RCC2: variants seen among roughly 807,000 people sequenced by gnomAD.
RCC2 encodes the protein regulator of chromosome condensation 2.
In RCC2, 19 loss-of-function variants were observed where a neutral mutation model predicts 64.1. The ratio of observed to expected loss-of-function variants is 0.30; its 90% CI spans 0.21 to 0.44. RCC2 has a LOEUF of 0.44. RCC2 is among the 20% of genes least tolerant of loss of function. The pLI is 1.00. For missense variants in RCC2, 508 were observed against 710.4 expected (o/e 0.72, Z 3.24); for synonymous variants, 325 against 279.6 (o/e 1.16, Z -1.62).
chr1:17,438,605 G>A, intron 1 of RCC2, 83 bp from the exon 2 acceptor site: 1 of 1,219,262 alleles, frequency 8.2e-7, no homozygotes, highest in African/African-American at 1.6e-5. Flanking sequence ...GAGCCACCCG[G>A]CCTCCACTTC....
chr1:17,411,538 G>A (rs988665574), intron 11 of RCC2, among the ~76,000 whole-genome samples: 5 of 149,164 alleles, frequency 3.4e-5, no homozygotes, highest in Admixed American at 6.7e-5. Flanking sequence ...AGCCAAGATC[G>A]CGCCACTGCA....
rs769636025 is a variant in RCC2 at position 17,413,688 on chromosome 1, G to A, written c.1056C>T (p.Phe352=). ...GGCCATAGCCACCAAAGCCCCAGGAGAAGACTCGCTTCTGGGAGTCCAGGA... is the reference window on the plus strand; with the variant it reads ...GGCCATAGCCACCAAAGCCCCAGGAAAAGACTCGCTTCTGGGAGTCCAGGA... ...TLVLDSQKRV[F]SWGFGGYGRL... The change falls in exon 9 of 13, where the codon TTC becomes TTT. Residue 352 remains phenylalanine (F), a synonymous_variant. Transcript: ENST00000375436. 1 of 1,613,810 alleles carries A rather than the reference G, an allele frequency of 6.2e-7. No homozygotes were observed. The highest frequency in any genetic ancestry group is 1.7e-5 in the Admixed American group (1 of 59,920).
Position 17,438,391 on chromosome 1 carries a change from A to C in RCC2, c.124T>G (p.Cys42Gly). ...CTGCCGCCGCCGCTGCTGCTACTGC[A>C]GCGCTCGGGCCGCTCGCGCTTCCTG... is the stretch of plus-strand genomic sequence containing the variant. ...AGRKRERPERCSSSSGGGSSG... is the reference protein window; with the variant it reads ...AGRKRERPERGSSSSGGGSSG... The change falls in exon 2 of 13, where the codon TGC becomes GGC. Residue 42 changes from cysteine (C) to glycine (G), a missense_variant. By Grantham distance (159) the Cys-to-Gly change is radical. Coordinates refer to ENST00000375436, the MANE Select transcript of RCC2 (RefSeq NM_018715.4). 1 of 1,259,080 alleles carries C rather than the reference A, an allele frequency of 7.9e-7. No individual in the cohort carries two copies. Among genetic ancestry groups the C allele is most frequent in the Non-Finnish European group, 9.9e-7 (1 of 1,006,726 alleles). 78.0% of individuals were successfully genotyped at this position (1,259,080 alleles called of 1,614,324 possible).
At chr1:17,431,499 CAAA>C (rs558362245) in intron 2 of RCC2, among the ~76,000 whole-genome samples, 31 of 57,904 alleles carry the variant, frequency 5.4e-4, no homozygotes, top group Admixed American at 1.1e-3. Context: ...AGCCCTGTCT[CAAA>C]AAAAAAAAAA....
At position 17,422,217 on chromosome 1, in the gene RCC2, G is replaced by A. The variant is rs975004004; in HGVS notation, c.730C>T (p.Pro244Ser). 1 of 1,611,926 alleles carries A rather than the reference G, an allele frequency of 6.2e-7. No homozygotes were observed. Among genetic ancestry groups the A allele is most frequent in the Non-Finnish European group, 8.5e-7 (1 of 1,179,284 alleles). Residue 244 changes from proline to serine, a missense_variant, in exon 6 of 13, where the codon CCC becomes TCC. Physicochemically the swap from Pro to Ser is moderately conservative, Grantham distance 74. Transcript: ENST00000375436. Reference sequence around the variant, plus strand: ...GGAGGGGTCACCTGCGCGGGGCTGGGAACAGCGTCTGTCTGGTTGCCAAGG... The same window carrying A: ...GGAGGGGTCACCTGCGCGGGGCTGGAAACAGCGTCTGTCTGGTTGCCAAGG... Reference protein sequence around the residue: ...LGLGNQTDAVPSPAQIMYNGQ... With the variant: ...LGLGNQTDAVSSPAQIMYNGQ...
At chr1:17,412,960 A>G (rs1453956435) in intron 10 of RCC2, 113 bp downstream of exon 10, 2 of 745,960 alleles carry the variant, frequency 2.7e-6, no homozygotes, top group African/African-American at 3.5e-5. Flanking sequence ...TGCTGAGGAC[A>G]GCCCAACAGG....
At chr1:17,438,834 C>T (rs560740412) in intron 1 of RCC2, among the ~76,000 whole-genome samples, 2 of 152,278 alleles carry the variant, frequency 1.3e-5, no homozygotes, top group South Asian at 4.1e-4. Flanking sequence ...CAACCTCGCC[C>T]CCCAAAAGTA....
intron 11 of RCC2, among the ~76,000 whole-genome samples, chr1:17,410,475 CCAAAACAAAA>C (rs1198157290): frequency 6.6e-6 from 1 of 152,166 alleles, no homozygotes; most frequent in African/African-American, 2.4e-5. Context: ...TAATCACCAT[CCAAAACAAAA>C]CAAAATAAAA....
At chr1:17,417,279 G>A (rs2075497831) in intron 7 of RCC2, among the ~76,000 whole-genome samples, 1 of 152,196 alleles carries the variant, frequency 6.6e-6, no homozygotes, top group South Asian at 2.1e-4. Flanking sequence ...CTCCAGTCCT[G>A]AGAACACGCC....
chr1:17,428,998 T>C, intron 3 of RCC2, 108 bp downstream of exon 3: 3 of 862,360 alleles, frequency 3.5e-6, no homozygotes, highest in Non-Finnish European at 3.9e-6. Context: ...TCACTTGGCC[T>C]CTGTGAAAAT....
chr1:17,436,203 A>G (rs1285163180), intron 2 of RCC2, among the ~76,000 whole-genome samples: 1 of 152,248 alleles, frequency 6.6e-6, no homozygotes, highest in Non-Finnish European at 1.5e-5. Context: ...TACTCACATT[A>G]AGACTTACAA....
In RCC2 at chr1:17,408,842, G is replaced by A; in HGVS notation, c.*248C>T. On this transcript the variant is annotated 3_prime_UTR_variant, in exon 13 of 13. Coordinates refer to ENST00000375436, the MANE Select transcript of RCC2 (RefSeq NM_018715.4). ...AAGTTTCTGCCTCTTTTGTAGGAAT[G>A]GTAAATCAACTATGAGCAAGTATTT... 2.3e-6 allele frequency: 1 copy of A among 438,962 alleles called. No individual in the cohort carries two copies. The highest frequency in any genetic ancestry group is 4.0e-6 in the Non-Finnish European group (1 of 247,520). The allele number at this position is 438,962 out of a possible 1,614,324, so 27.2% of individuals were successfully genotyped here. A position where few individuals can be genotyped will look rare whatever the true frequency, so the allele number is the denominator to read the frequency against.
chr1:17,410,125 A>T, intron 11 of RCC2, 74 bp from the exon 12 acceptor site: 1 of 1,351,396 alleles, frequency 7.4e-7, no homozygotes. Context: ...TCACGGCAAC[A>T]TTTCCTGGCC....
intron 7 of RCC2, among the ~76,000 whole-genome samples, chr1:17,418,084 G>A (rs1002858759): frequency 5.9e-5 from 9 of 152,046 alleles, no homozygotes; most frequent in Non-Finnish European, 1.2e-4. Flanking sequence ...TCCACAGGGG[G>A]TACTGGAAGC....
intron 2 of RCC2, among the ~76,000 whole-genome samples, chr1:17,435,879 T>C (rs1053461388): frequency 4.8e-5 from 7 of 146,822 alleles, no homozygotes; most frequent in African/African-American, 7.6e-5. Context: ...GATCGCAACA[T>C]TGCACTCCAA....
intron 7 of RCC2, 110 bp downstream of exon 7, chr1:17,420,604 C>G: frequency 4.8e-6 from 3 of 619,646 alleles, no homozygotes; most frequent in Non-Finnish European, 8.2e-6. Flanking sequence ...AGGCTATTAT[C>G]TGAGATCAAT....
chr1:17,438,504 T>G lies in RCC2; in HGVS notation c.11A>C (p.Lys4Thr). 1 of 1,344,808 alleles carries G rather than the reference T, an allele frequency of 7.4e-7. No individual in the cohort carries two copies. 83.3% of individuals were successfully genotyped at this position (1,344,808 alleles called of 1,614,324 possible). ...CTCCCAGGCCGCCGCCGCCGCCTTC[T>G]TCCTGGGCATGGTCGCGGCTGGAGG... is the stretch of plus-strand genomic sequence containing the variant. MPR[K>T]KAAAAAWEEP... The change falls in exon 2 of 13, where the codon AAG becomes ACG. Residue 4 changes from lysine to threonine, a missense_variant. Lys to Thr is a moderately conservative substitution (Grantham distance 78, BLOSUM62 -1). This residue lies in a region of RCC2 where 195 missense variants were observed against 158.3 expected (regional missense o/e 1.23). Transcript: ENST00000375436.
rs1010240588 is a variant in RCC2, at chr1:17,417,816, G to A, written c.860-1170C>T. Reference sequence around the variant, plus strand: ...TGGTATGTGTGTTTTTGAGCACTGTGCTATTTAAATACAGTCAGCCCTCCA... The same window carrying A: ...TGGTATGTGTGTTTTTGAGCACTGTACTATTTAAATACAGTCAGCCCTCCA... On this transcript the variant is annotated intron_variant, in intron 7 of 12. Transcript: ENST00000375436. Among the ~76,000 whole-genome samples the A allele has an allele frequency of 2.0e-5, 3 of 152,128 alleles. No individual in the cohort carries two copies. The East Asian group carries it at 5.8e-4, about 29-fold the overall frequency.
In RCC2 at chr1:17,407,163, G is replaced by A. The variant is rs1424432857; in HGVS notation, c.*1927C>T. 1 of 152,218 alleles carries A rather than the reference G, an allele frequency of 6.6e-6. No homozygotes were observed. The highest frequency in any genetic ancestry group is 2.4e-5 in the African/African-American group (1 of 41,450). 9.4% of individuals were successfully genotyped at this position (152,218 alleles called of 1,614,324 possible). On this transcript the variant is annotated 3_prime_UTR_variant, in exon 13 of 13. Transcript: ENST00000375436. ...GTCCCTGGGCTAGGGTTCTAGAAGA[G>A]GCTGGCTGCCACGTTTACATGAGGC...
Sources: allele counts gnomAD v4.1 joint callset (sites outside exome capture counted in the v4.1 genomes callset), GRCh38; gene constraint gnomAD v4.1.1; regional missense constraint gnomAD v4.1.1; transcripts MANE v1.5; gene names NCBI Gene and HGNC (gene_info 2026-07-23, HGNC 2026-07-21).